The following STK33 variants were observed in gnomAD, a reference collection of about 807,000 sequenced individuals.
STK33 encodes serine/threonine-protein kinase 33.
STK33 carries 52 observed loss-of-function variants against 58.0 expected under a neutral mutation model. The observed-to-expected ratio is 0.90, with a 90% CI of 0.72 to 1.13. STK33 has a LOEUF of 1.13. Ranked by LOEUF, STK33 falls within the 50% of genes most tolerant of loss-of-function variation. The pLI, the probability that STK33 is intolerant of heterozygous loss-of-function variation, is 0.00. For synonymous variants in STK33, 215 were observed against 200.1 expected (o/e 1.07, Z -0.63); for missense variants, 630 against 604.2 (o/e 1.04, Z -0.45).
chr11:8,545,941 A>G (rs116006787), intron 1 of STK33, among the ~76,000 whole-genome samples: 2,185 of 152,306 alleles, frequency 0.014, 49 homozygotes, highest in African/African-American at 0.049. Flanking sequence ...TACTACACAC[A>G]CAGGCTATGT....
chr11:8,545,203 A>T (rs779932525), intron 1 of STK33, among the ~76,000 whole-genome samples: 28 of 152,296 alleles, frequency 1.8e-4, no homozygotes, highest in Non-Finnish European at 1.0e-4. Context: ...AACTCAAAAC[A>T]ATCAAAATAA....
the STK33 span, among the ~76,000 whole-genome samples, chr11:8,359,431 G>A: frequency 6.6e-6 from 1 of 152,234 alleles, no homozygotes; most frequent in Admixed American, 6.5e-5. Flanking sequence ...TAAAGTTGAG[G>A]TTATTTCAAA....
At chr11:8,383,908 T>C in the STK33 span, among the ~76,000 whole-genome samples, 1 of 152,156 alleles carries the variant, frequency 6.6e-6, no homozygotes, top group Non-Finnish European at 1.5e-5. Context: ...GGGTCTCTCT[T>C]CACATCCTTC....
chr11:8,382,187 C>T, the STK33 span, among the ~76,000 whole-genome samples: 1 of 152,178 alleles, frequency 6.6e-6, no homozygotes, highest in Non-Finnish European at 1.5e-5. Context: ...CCGCAGGGCC[C>T]GGCTGCTGTG....
At chr11:8,454,910 T>C in intron 9 of STK33, 78 bp from the exon 10 acceptor site, 3 of 1,336,386 alleles carry the variant, frequency 2.2e-6, no homozygotes, top group South Asian at 1.6e-5. Context: ...TTAAATATAT[T>C]TGACAAATTA....
intron 1 of STK33, chr11:8,565,833 G>T (rs1226829539): frequency 6.6e-6 from 1 of 152,066 alleles, no homozygotes. Flanking sequence ...GGACTCCCTC[G>T]TTCCTCCACC....
At chr11:8,348,275 T>A in the STK33 span, among the ~76,000 whole-genome samples, 2 of 152,212 alleles carry the variant, frequency 1.3e-5, no homozygotes, top group African/African-American at 2.4e-5. Flanking sequence ...CTGGGTAATT[T>A]ATAAAGGAAA....
At chr11:8,572,137 GA>G (rs1314119640) in intron 1 of STK33, among the ~76,000 whole-genome samples, 6 of 151,922 alleles carry the variant, frequency 3.9e-5, no homozygotes, top group Non-Finnish European at 8.8e-5. Context: ...AGCCTTGCAA[GA>G]AAAAGACAGA....
At chr11:8,376,347 G>A in the STK33 span, among the ~76,000 whole-genome samples, 1 of 152,178 alleles carries the variant, frequency 6.6e-6, no homozygotes, top group Non-Finnish European at 1.5e-5. Context: ...GTTCACATGT[G>A]CATGTTGGGT....
At chr11:8,425,196 C>G (rs1942556021) in intron 14 of STK33, among the ~76,000 whole-genome samples, 1 of 152,118 alleles carries the variant, frequency 6.6e-6, no homozygotes, top group African/African-American at 2.4e-5. Flanking sequence ...TTTCAGCTTT[C>G]TACATATGGC....
intron 15 of STK33, among the ~76,000 whole-genome samples, chr11:8,400,967 G>A (rs1937784401): frequency 6.6e-6 from 1 of 151,160 alleles, no homozygotes; most frequent in Non-Finnish European, 1.5e-5. Context: ...TGAAATAAAA[G>A]AGGATACAAA....
At chr11:8,357,287 C>A in the STK33 span, among the ~76,000 whole-genome samples, 1 of 152,242 alleles carries the variant, frequency 6.6e-6, no homozygotes, top group Non-Finnish European at 1.5e-5. Context: ...GTCCGGCCCC[C>A]GCAATGAGTG....
intron 1 of STK33, among the ~76,000 whole-genome samples, chr11:8,493,729 C>T (rs1438777031): frequency 6.6e-6 from 1 of 152,146 alleles, no homozygotes; most frequent in East Asian, 1.9e-4. Context: ...TCCAGCAGCA[C>T]ATCAAAAAGT....
At chr11:8,344,609 G>A in the STK33 span, among the ~76,000 whole-genome samples, 254 of 152,318 alleles carry the variant, frequency 1.7e-3, 2 homozygotes, top group African/African-American at 5.8e-3. Context: ...AACGCAGACA[G>A]CCTGGTTCCA....
chr11:8,386,317 G>GA, the STK33 span, among the ~76,000 whole-genome samples: 17 of 152,336 alleles, frequency 1.1e-4, no homozygotes, highest in South Asian at 2.1e-4. Flanking sequence ...AAGTTGATAT[G>GA]AAACTTAAGT....
At chr11:8,392,839 G>C (rs754502290) in intron 15 of STK33, 129 bp from the exon 16 acceptor site, 1 of 761,422 alleles carries the variant, frequency 1.3e-6, no homozygotes, top group East Asian at 2.7e-5. Context: ...GTCCAAACTA[G>C]TCATATTGTA....
chr11:8,404,303 A>T (rs1162450730), intron 15 of STK33, among the ~76,000 whole-genome samples: 1 of 152,240 alleles, frequency 6.6e-6, no homozygotes, highest in Non-Finnish European at 1.5e-5. Context: ...TATAATCTAT[A>T]TACAGAATAC....
At chr11:8,581,683 C>T (rs1430434915) in intron 1 of STK33, among the ~76,000 whole-genome samples, 1 of 152,212 alleles carries the variant, frequency 6.6e-6, no homozygotes, top group Non-Finnish European at 1.5e-5. Context: ...GTAACTTCCC[C>T]TATGTGATTA....
chr11:8,502,079 C>A (rs1951555717), intron 1 of STK33, among the ~76,000 whole-genome samples: 1 of 151,798 alleles, frequency 6.6e-6, no homozygotes, highest in African/African-American at 2.4e-5. Flanking sequence ...AAAATGTTCT[C>A]AATTACATAG....
Sources: allele counts gnomAD v4.1 joint callset (sites outside exome capture counted in the v4.1 genomes callset), GRCh38; gene constraint gnomAD v4.1.1; transcripts MANE v1.5; gene names NCBI Gene and HGNC (gene_info 2026-07-23, HGNC 2026-07-21).